ASCC1: variants seen among roughly 807,000 people sequenced by gnomAD.
The protein encoded by ASCC1 is activating signal cointegrator 1 complex subunit 1.
A neutral mutation model predicts 46.6 loss-of-function variants in ASCC1; 35 were observed. The observed-to-expected ratio is 0.75, with a 90% confidence interval of 0.57 to 0.99. ASCC1 has a LOEUF of 0.99. Among genes scored for constraint, ASCC1 ranks in the 50% least tolerant of loss-of-function variants. ASCC1 has a pLI of 0.00. For synonymous variants in ASCC1, 143 were observed against 146.6 expected (o/e 0.98, Z 0.18); for missense variants, 376 against 428.7 (o/e 0.88, Z 1.09).
chr10:72,099,744 T>C (rs1353604559), intron 9 of ASCC1, among the ~76,000 whole-genome samples: 2 of 152,052 alleles, frequency 1.3e-5, no homozygotes, highest in Non-Finnish European at 2.9e-5. Flanking sequence ...CGCTTGAACC[T>C]GGGAGGCGGA....
At chr10:72,172,774 T>TTTTTTATATTATATATTATATATTATA (rs1564694217) in intron 5 of ASCC1, among the ~76,000 whole-genome samples, 10 of 51,752 alleles carry the variant, frequency 1.9e-4, no homozygotes, top group South Asian at 6.6e-4. Context: ...ATATATTATA[T>TTTTTTATATTATATATTATATATTATA]TTTTTATATT....
At chr10:72,184,639 T>C (rs1409652269) in intron 5 of ASCC1, among the ~76,000 whole-genome samples, 1 of 151,710 alleles carries the variant, frequency 6.6e-6, no homozygotes, top group Non-Finnish European at 1.5e-5. Flanking sequence ...AAAAGAGAAA[T>C]AGATGAATCC....
At chr10:72,099,116 CA>C in intron 9 of ASCC1, among the ~76,000 whole-genome samples, 1 of 152,244 alleles carries the variant, frequency 6.6e-6, no homozygotes, top group South Asian at 2.1e-4. Context: ...TAAGGATTGG[CA>C]GCCTGTGAGT....
rs553428360 is a variant in ASCC1 at position 72,208,596 on chromosome 10, C to T, written c.212+2136G>A. Among the ~76,000 whole-genome samples, 352 of 152,174 alleles carry T rather than the reference C, an allele frequency of 2.3e-3. 2 individuals carry two copies. The highest frequency in any genetic ancestry group is 8.0e-3 in the African/African-American group (332 of 41,498). ...CCAACATGGTAAAACCCCACCTCTA[C>T]TAAAAATACAAAAATTAGCCAGGTG... On this transcript the variant is annotated intron_variant, in intron 3 of 9. Transcript: ENST00000672957.
intron 5 of ASCC1, among the ~76,000 whole-genome samples, chr10:72,176,339 G>A (rs193266414): frequency 6.6e-6 from 1 of 151,932 alleles, no homozygotes; most frequent in Non-Finnish European, 1.5e-5. Flanking sequence ...ATCTTAACTA[G>A]TTTGTTTCTT....
chr10:72,210,747 G>A lies in ASCC1; in HGVS notation c.197C>T (p.Pro66Leu). 6.2e-7 allele frequency: 1 copy of A among 1,614,030 alleles called. No individual in the cohort carries two copies. Among genetic ancestry groups the A allele is most frequent in the East Asian group, 2.2e-5 (1 of 44,880 alleles). The change falls in exon 3 of 10, where the codon CCC becomes CTC. Residue 66 changes from proline to leucine, a missense_variant. Pro to Leu is a moderately conservative substitution (Grantham distance 98). Transcript: ENST00000672957. ...CATGACTCACTTATAGAGCAAGCTGGGGGCCCTCAAAGTAGACCGGAATCC... is the reference window on the plus strand; with the variant it reads ...CATGACTCACTTATAGAGCAAGCTGAGGGCCCTCAAAGTAGACCGGAATCC... ...PQGFRSTLRAPSLLYKHIVGK... is the reference protein window; with the variant it reads ...PQGFRSTLRALSLLYKHIVGK...
intron 7 of ASCC1, among the ~76,000 whole-genome samples, chr10:72,149,209 T>C (rs1286643940): frequency 6.6e-6 from 1 of 150,660 alleles, no homozygotes; most frequent in Non-Finnish European, 1.5e-5. Context: ...GAGGCCAAGG[T>C]GGACAGAGCA....
At position 72,152,990 on chromosome 10, in the gene ASCC1, T is replaced by C. The variant is rs780627425; in HGVS notation, c.627-2A>G. 2 of 1,614,054 alleles carry C rather than the reference T, an allele frequency of 1.2e-6. No homozygotes were observed. Among genetic ancestry groups the C allele is most frequent in the Admixed American group, 1.7e-5 (1 of 60,016 alleles). On this transcript the variant is annotated splice_acceptor_variant, in intron 6 of 9. Transcript: ENST00000672957. LOFTEE classifies it high-confidence loss of function. ...AGGGGTTTACCCCCAGAAATATCAC[T>C]GCAAAGGAAAAAGCATTAAGATATC...
chr10:72,190,117 C>CATT (rs1321466215), intron 5 of ASCC1: 2 of 760,168 alleles, frequency 2.6e-6, no homozygotes, highest in East Asian at 2.4e-5. Context: ...AGCAAGGTTA[C>CATT]ATTATATATA....
chr10:72,169,723 T>C (rs565830940), intron 5 of ASCC1, among the ~76,000 whole-genome samples: 20 of 152,102 alleles, frequency 1.3e-4, no homozygotes, highest in South Asian at 8.3e-4. Flanking sequence ...AATAAACAAG[T>C]ATGGAAAAGG....
At chr10:72,212,079 G>C (rs538543826) in intron 2 of ASCC1, 1 of 153,408 alleles carries the variant, frequency 6.5e-6, no homozygotes, top group Non-Finnish European at 1.5e-5. Context: ...AGCTACTGGG[G>C]AAGCTGAGGC....
At position 72,210,034 on chromosome 10, in the gene ASCC1, C is replaced by T. The variant is rs377747675; in HGVS notation, c.212+698G>A. On this transcript the variant is annotated intron_variant, in intron 3 of 9. Transcript: ENST00000672957. ...CTCCCATCGTTTTTGCTCCTGCTTT[C>T]ACCATGTGACATGCCTGCTCCCACT... is the stretch of plus-strand genomic sequence containing the variant. Among the ~76,000 whole-genome samples, 16 of 152,174 alleles carry T rather than the reference C, an allele frequency of 1.1e-4. 3 individuals carry two copies. The highest frequency in any genetic ancestry group is 1.9e-4 in the East Asian group (1 of 5,182).
At chr10:72,207,952 C>T (rs1264452997) in intron 3 of ASCC1, among the ~76,000 whole-genome samples, 2 of 152,004 alleles carry the variant, frequency 1.3e-5, no homozygotes, top group Non-Finnish European at 2.9e-5. Context: ...GCTGAGACTA[C>T]AAGCACTCAC....
At chr10:72,105,257 C>G (rs1005454547) in intron 9 of ASCC1, among the ~76,000 whole-genome samples, 2 of 152,208 alleles carry the variant, frequency 1.3e-5, no homozygotes, top group African/African-American at 2.4e-5. Flanking sequence ...TGTCCACAGA[C>G]AGCGGGACAA....
At chr10:72,137,885 A>G (rs1328692726) in intron 7 of ASCC1, among the ~76,000 whole-genome samples, 1 of 151,400 alleles carries the variant, frequency 6.6e-6, no homozygotes, top group Non-Finnish European at 1.5e-5. Flanking sequence ...TTTTTCAGAG[A>G]CAGGGTCTCA....
intron 9 of ASCC1, among the ~76,000 whole-genome samples, chr10:72,106,667 T>C (rs910728689): frequency 6.6e-6 from 1 of 152,244 alleles, no homozygotes; most frequent in East Asian, 1.9e-4. Flanking sequence ...TATGAAGCCT[T>C]GCTGTGGTTA....
At chr10:72,204,356 G>T (rs1015884129) in intron 3 of ASCC1, 1 of 1,545,912 alleles carries the variant, frequency 6.5e-7, no homozygotes, top group Non-Finnish European at 8.7e-7. Flanking sequence ...CATGAAGACG[G>T]GACATGAGCT....
At chr10:72,195,939 T>C (rs1855358137) in intron 5 of ASCC1, among the ~76,000 whole-genome samples, 1 of 152,214 alleles carries the variant, frequency 6.6e-6, no homozygotes, top group East Asian at 1.9e-4. Context: ...TGATTTTTTA[T>C]TAATCTTTTC....
intron 5 of ASCC1, among the ~76,000 whole-genome samples, chr10:72,182,056 C>T (rs955459305): frequency 5.9e-5 from 9 of 151,968 alleles, no homozygotes; most frequent in Non-Finnish European, 7.4e-5. Context: ...AAAAGACATT[C>T]GAGGAAATAA....
Sources: gnomAD v4.1 joint callset for allele counts (sites outside exome capture counted in the v4.1 genomes callset) on GRCh38, gnomAD v4.1.1 for gene constraint, MANE v1.5 for transcripts, NCBI Gene and HGNC (gene_info 2026-07-23, HGNC 2026-07-21) for gene names.